The following AHCTF1 variants were observed in gnomAD, a reference collection of about 807,000 sequenced individuals.
The protein encoded by AHCTF1 is protein ELYS.
Under a neutral mutation model 248.4 loss-of-function variants are expected in AHCTF1, and 24 were observed. The observed-to-expected ratio is 0.10, with a 90% CI of 0.07 to 0.14. AHCTF1 has a LOEUF of 0.14. Among genes scored for constraint, AHCTF1 ranks in the 10% least tolerant of loss-of-function variants. The pLI is 1.00. For missense variants in AHCTF1, 2,206 were observed against 2,636.2 expected, an observed-to-expected ratio of 0.84 and a Z score of 3.57; for synonymous variants, 786 against 929.8, an observed-to-expected ratio of 0.85 and a Z score of 2.81.
At position 246,893,616 on chromosome 1, in the gene AHCTF1, T is replaced by G. The variant is rs548748821; in HGVS notation, c.1804+1043A>C. Among the ~76,000 whole-genome samples, 19 of 152,250 alleles carry G rather than the reference T, an allele frequency of 1.2e-4. No individual in the cohort carries two copies. In the South Asian group the frequency reaches 3.9e-3, roughly 32 times the overall value. ...AATGAACAACAGATTAATAAAACTG[T>G]CAAGAAGGAAAATGATTTGCCACAA... On this transcript the variant is annotated intron_variant, in intron 14 of 35. Transcript: ENST00000648844.
At chr1:246,914,462 CA>C (rs1045820559) in intron 3 of AHCTF1, among the ~76,000 whole-genome samples, 2 of 152,180 alleles carry the variant, frequency 1.3e-5, no homozygotes, top group African/African-American at 4.8e-5. Flanking sequence ...TATCAGTATA[CA>C]AAACATTACT....
intron 1 of AHCTF1, among the ~76,000 whole-genome samples, chr1:246,925,064 C>G (rs2103252488): frequency 6.8e-6 from 1 of 146,836 alleles, no homozygotes; most frequent in Middle Eastern, 3.5e-3. Flanking sequence ...GTTTTCCCCT[C>G]TGACAGCCTT....
intron 3 of AHCTF1, among the ~76,000 whole-genome samples, chr1:246,915,588 TTAAAG>T (rs1666088515): frequency 6.6e-6 from 1 of 152,216 alleles, no homozygotes; most frequent in South Asian, 2.1e-4. Flanking sequence ...CTTAAATTTA[TTAAAG>T]TATTCACTAT....
chr1:246,869,791 G>A (rs1662438155), intron 24 of AHCTF1, among the ~76,000 whole-genome samples: 1 of 152,136 alleles, frequency 6.6e-6, no homozygotes, highest in South Asian at 2.1e-4. Flanking sequence ...TGATGTACAG[G>A]GAGACGAATG....
intron 7 of AHCTF1, among the ~76,000 whole-genome samples, chr1:246,903,707 C>T (rs1558264404): frequency 6.8e-6 from 1 of 146,396 alleles, no homozygotes; most frequent in Non-Finnish European, 1.5e-5. Flanking sequence ...GGCGTGGTGG[C>T]GGGCACCTGT....
chr1:246,845,669 C>G (rs1182469685), intron 33 of AHCTF1, among the ~76,000 whole-genome samples: 1 of 152,082 alleles, frequency 6.6e-6, no homozygotes, highest in East Asian at 1.9e-4. Context: ...ACCATTTTTT[C>G]CATGTGCTTC....
chr1:246,858,980 T>C (rs1350583749), intron 29 of AHCTF1, among the ~76,000 whole-genome samples: 1 of 151,984 alleles, frequency 6.6e-6, no homozygotes, highest in East Asian at 1.9e-4. Flanking sequence ...GTAATCCAGC[T>C]ACTTGGGAGG....
chr1:246,867,907 A>G lies in AHCTF1; in HGVS notation c.3089-96T>C, dbSNP rs868252242. 9.8e-6 allele frequency: 3 copies of G among 306,702 alleles called. No individual in the cohort carries two copies. In the East Asian group the frequency reaches 2.8e-4, roughly 28 times the overall value. The allele number at this position is 306,702 out of a possible 1,614,324, so 19.0% of individuals were successfully genotyped here. A position where few individuals can be genotyped will look rare whatever the true frequency, so the allele number is the denominator to read the frequency against. On this transcript the variant is annotated intron_variant, in intron 24 of 35. Coordinates refer to ENST00000648844, the MANE Select transcript of AHCTF1 (RefSeq NM_001323342.2). ...AATGATTACACCCCCCCCCCCACAC[A>G]CACACACACACACATTACGTGGTAA...
intron 1 of AHCTF1, among the ~76,000 whole-genome samples, chr1:246,928,189 G>C (rs1027145038): frequency 5.3e-5 from 8 of 151,366 alleles, no homozygotes; most frequent in South Asian, 4.2e-4. Flanking sequence ...TGTAGTCCCA[G>C]CTACTGGGGA....
intron 25 of AHCTF1, 104 bp from the exon 26 acceptor site, chr1:246,867,455 T>C (rs899518602): frequency 1.0e-6 from 1 of 996,862 alleles, no homozygotes; most frequent in Non-Finnish European, 1.5e-6. Context: ...CTTTGTACAG[T>C]TCTGCATTGC....
rs769107595 is a variant in AHCTF1 at position 246,849,842 on chromosome 1, T to C, written c.6164A>G (p.Gln2055Arg). ...TGAGTGCAATGAACGTTTTTGGCTT[T>C]GACTTTCAGTCTTTTTTGTAAGTTT... ...KKKLTKKTES[Q>R]SQKRSLHSVS... The change falls in exon 33 of 36, where the codon CAA (glutamine) becomes CGA (arginine). Residue 2055 changes from glutamine (Q) to arginine (R), a missense_variant. Gln to Arg is a conservative substitution (Grantham distance 43, BLOSUM62 1). Coordinates refer to ENST00000648844, the MANE Select transcript of AHCTF1 (RefSeq NM_001323342.2). 9.9e-6 allele frequency: 16 copies of C among 1,613,974 alleles called. No individual in the cohort carries two copies. Among genetic ancestry groups the C allele is most frequent in the Non-Finnish European group, 1.3e-5 (15 of 1,179,844 alleles).
rs755524776 is a variant in AHCTF1 at position 246,902,636 on chromosome 1, T to C, written c.1006A>G (p.Thr336Ala). 28 of 1,613,392 alleles carry C rather than the reference T, an allele frequency of 1.7e-5. No homozygotes were observed. The Admixed American group carries it at 4.5e-4, about 26-fold the overall frequency. Residue 336 changes from threonine (T) to alanine (A), a missense_variant, in exon 8 of 36, where the codon ACA (threonine) becomes GCA (alanine). This residue lies in a region of AHCTF1 where 650 missense variants were observed against 870.8 expected (regional missense o/e 0.75). Coordinates refer to ENST00000648844, the MANE Select transcript of AHCTF1 (RefSeq NM_001323342.2). ...YCEERYTLDL[T>A]GGMFPLRGQT... ...CCCCTCAAAGGGAACATGCCACCTG[T>C]CAGGTCCAGGGTGTATCTTTCTTCA...
intron 23 of AHCTF1, among the ~76,000 whole-genome samples, 186 bp downstream of exon 23, chr1:246,876,764 C>T (rs759082090): frequency 7.9e-5 from 12 of 152,226 alleles, no homozygotes; most frequent in African/African-American, 1.2e-4. Context: ...AAATGGCATA[C>T]GTAAAAGAAT....
intron 24 of AHCTF1, among the ~76,000 whole-genome samples, chr1:246,873,580 T>C (rs1662747930): frequency 6.6e-6 from 1 of 152,078 alleles, no homozygotes; most frequent in Admixed American, 6.6e-5. Context: ...AATACACTAG[T>C]CAATTTCTCC....
chr1:246,861,061 C>T lies in AHCTF1; in HGVS notation c.3970G>A (p.Ala1324Thr). Residue 1324 changes from alanine to threonine, a missense_variant, in exon 29 of 36, where the codon GCA becomes ACA. Physicochemically the swap from Ala to Thr is moderately conservative, Grantham distance 58. Around this residue, in one of 6 missense-constraint regions of AHCTF1, gnomAD observed 955 missense variants for 1,055.6 expected, o/e 0.90. Coordinates refer to ENST00000648844, the MANE Select transcript of AHCTF1 (RefSeq NM_001323342.2). ...TCTTCAAGGTCTTCCGGTGACGGTG[C>T]ATCCTGATACTCTAAGGTAGTCTCA... is the stretch of plus-strand genomic sequence containing the variant. Reference protein sequence around the residue: ...SDETTLEYQDAPSPEDLEETV... With the variant: ...SDETTLEYQDTPSPEDLEETV... 1 of 1,614,084 alleles carries T rather than the reference C, an allele frequency of 6.2e-7. No individual in the cohort carries two copies. The highest frequency in any genetic ancestry group is 1.3e-5 in the African/African-American group (1 of 75,046).
At chr1:246,849,157 GC>G (rs1434472100) in intron 33 of AHCTF1, among the ~76,000 whole-genome samples, 1 of 152,170 alleles carries the variant, frequency 6.6e-6, no homozygotes, top group Non-Finnish European at 1.5e-5. Context: ...ATGTAGATGC[GC>G]CAGTTTGTGG....
At chr1:246,894,233 G>A (rs1254783716) in intron 14 of AHCTF1, among the ~76,000 whole-genome samples, 1 of 152,094 alleles carries the variant, frequency 6.6e-6, no homozygotes, top group Non-Finnish European at 1.5e-5. Context: ...TCACTTTAAT[G>A]TAAAAAGAAA....
chr1:246,852,396 C>A (rs12133947), intron 32 of AHCTF1, among the ~76,000 whole-genome samples: 13,980 of 108,628 alleles, frequency 0.13, 706 homozygotes, highest in South Asian at 0.19. Flanking sequence ...ATCCAAATTT[C>A]TATAAATAAT....
intron 20 of AHCTF1, 113 bp from the exon 21 acceptor site, chr1:246,885,793 A>C (rs1478135531): frequency 9.7e-7 from 1 of 1,025,950 alleles, no homozygotes; most frequent in Admixed American, 2.8e-5. Context: ...GTTTAAATAT[A>C]AGCTGAAAAA....
Sources: gnomAD v4.1 joint callset for allele counts (sites outside exome capture counted in the v4.1 genomes callset) on GRCh38, gnomAD v4.1.1 for gene constraint, gnomAD v4.1.1 regional missense constraint, MANE v1.5 for transcripts, NCBI Gene and HGNC (gene_info 2026-07-23, HGNC 2026-07-21) for gene names.